The following ARAP2 variants were observed in gnomAD, a reference collection of about 807,000 sequenced individuals.
ARAP2 encodes the protein arf-GAP with Rho-GAP domain, ANK repeat and PH domain-containing protein 2.
ARAP2 carries 148 observed loss-of-function variants against 194.5 expected under a neutral mutation model. The observed-to-expected ratio is 0.76, with a 90% confidence interval of 0.67 to 0.87. The LOEUF is 0.87. Among genes scored for constraint, ARAP2 ranks in the 40% least tolerant of loss-of-function variants. The probability of loss-of-function intolerance (pLI) is 0.00; values close to 1 mark genes in which losing one functional copy is unlikely to be tolerated. For missense variants in ARAP2, 2,128 were observed against 1,989.7 expected, an observed-to-expected ratio of 1.07 and a Z score of -1.32; for synonymous variants, 695 against 683.5, an observed-to-expected ratio of 1.02 and a Z score of -0.26.
rs559863614 is a variant in ARAP2 at position 36,016,787 on chromosome 4, C to T, written n.751-829G>A. Among the ~76,000 whole-genome samples, 86 of 152,246 alleles carry T rather than the reference C, an allele frequency of 5.6e-4. 1 individual carries two copies. The South Asian group carries it at 0.016, about 29-fold the overall frequency. On this transcript the variant is annotated intron_variant and non_coding_transcript_variant, in intron 6 of 12. Coordinates refer to the ARAP2 transcript ENST00000503225. ...GAGATAAATCACACAACCTCTTGGC[C>T]ATTCTTCAATTTGAATGACTTGGAT...
At chr4:36,071,869 G>A (rs1167150341) in intron 32 of ARAP2, among the ~76,000 whole-genome samples, 1 of 145,830 alleles carries the variant, frequency 6.9e-6, no homozygotes, top group Non-Finnish European at 1.5e-5. Flanking sequence ...CCCCAACACA[G>A]TCCCCAGAGT....
chr4:36,174,685 G>T (rs1482635682), intron 9 of ARAP2, among the ~76,000 whole-genome samples: 2 of 152,104 alleles, frequency 1.3e-5, no homozygotes, highest in Non-Finnish European at 2.9e-5. Flanking sequence ...CAGAAATGTG[G>T]AATTTTAACA....
chr4:36,073,304 A>G (rs1727469546), intron 32 of ARAP2, among the ~76,000 whole-genome samples: 1 of 152,148 alleles, frequency 6.6e-6, no homozygotes, highest in South Asian at 2.1e-4. Flanking sequence ...GAATGTGATT[A>G]TATTACTAGA....
chr4:36,204,127 C>G (rs938392095), intron 6 of ARAP2, among the ~76,000 whole-genome samples: 4 of 152,088 alleles, frequency 2.6e-5, no homozygotes, highest in African/African-American at 9.7e-5. Flanking sequence ...ATCAGTGTTT[C>G]AGGGCAAGAA....
chr4:36,192,863 G>T (rs1462796064), intron 7 of ARAP2, among the ~76,000 whole-genome samples: 1 of 152,116 alleles, frequency 6.6e-6, no homozygotes, highest in Non-Finnish European at 1.5e-5. Context: ...AGGCATGGTG[G>T]TGTGCACCTG....
chr4:36,233,409 C>G (rs963307665), intron 1 of ARAP2, among the ~76,000 whole-genome samples: 3 of 152,160 alleles, frequency 2.0e-5, no homozygotes, highest in African/African-American at 7.2e-5. Context: ...ACTTGTTACA[C>G]CCTCCAATTA....
In ARAP2 at chr4:36,133,277, T is replaced by C; in HGVS notation, c.3376A>G (p.Asn1126Asp). The change falls in exon 20 of 33, where the codon AAT (asparagine) becomes GAT (aspartate). Residue 1126 changes from asparagine to aspartate, a missense_variant. Asn to Asp is a conservative substitution (Grantham distance 23). Transcript: ENST00000303965. ...CTGTTCACTATAATGGGAACGTCAT[T>C]TTTGCTGAGCTGCTGATCTTGTAAA... ...NALQDQQLSK[N>D]DVPIIVNSCI... 6.2e-7 allele frequency: 1 copy of C among 1,611,390 alleles called. No individual in the cohort carries two copies. Among genetic ancestry groups the C allele is most frequent in the South Asian group, 1.1e-5 (1 of 91,026 alleles).
At chr4:36,171,985 A>G (rs1359562682) in intron 9 of ARAP2, among the ~76,000 whole-genome samples, 1 of 152,228 alleles carries the variant, frequency 6.6e-6, no homozygotes, top group Non-Finnish European at 1.5e-5. Context: ...GGATAAGCCA[A>G]ACTATCAACC....
At chr4:36,039,371 C>G (rs1369974814) in intron 5 of ARAP2, among the ~76,000 whole-genome samples, 4 of 152,184 alleles carry the variant, frequency 2.6e-5, no homozygotes, top group Admixed American at 2.6e-4. Context: ...AATATGCTTC[C>G]TATAGTTTTC....
chr4:36,079,040 G>T (rs1577774944), intron 31 of ARAP2, among the ~76,000 whole-genome samples: 1 of 151,964 alleles, frequency 6.6e-6, no homozygotes, highest in East Asian at 1.9e-4. Context: ...TGGGCACGGT[G>T]GTGCACGCCT....
intron 8 of ARAP2, among the ~76,000 whole-genome samples, chr4:36,179,013 A>T (rs1738609977): frequency 6.6e-6 from 1 of 152,218 alleles, no homozygotes; most frequent in Admixed American, 6.5e-5. Flanking sequence ...GGATTAATTT[A>T]TCAATGAATA....
At chr4:36,157,909 TTGAG>T (rs963266690) in intron 15 of ARAP2, among the ~76,000 whole-genome samples, 9 of 152,174 alleles carry the variant, frequency 5.9e-5, no homozygotes, top group Non-Finnish European at 7.4e-5. Flanking sequence ...ATTCTTTTGA[TTGAG>T]TAATATCACT....
intron 17 of ARAP2, 36 bp from the exon 18 acceptor site, chr4:36,147,782 T>C (rs773449855): frequency 1.1e-5 from 16 of 1,512,402 alleles, no homozygotes; most frequent in East Asian, 2.3e-5. Context: ...ATAAAGACAG[T>C]GAAAATAGGA....
At chr4:36,161,615 G>A (rs1344288603) in intron 11 of ARAP2, 65 bp from the exon 12 acceptor site, 3 of 1,332,582 alleles carry the variant, frequency 2.3e-6, no homozygotes, top group South Asian at 1.2e-5. Flanking sequence ...ACCTTGTTTT[G>A]AAAGAAAGTG....
intron 2 of ARAP2, among the ~76,000 whole-genome samples, chr4:36,215,736 C>A (rs1023553983): frequency 1.3e-5 from 2 of 152,138 alleles, no homozygotes; most frequent in African/African-American, 4.8e-5. Context: ...CTGGTCCCAG[C>A]AACTCAGGGG....
intron 2 of ARAP2, among the ~76,000 whole-genome samples, chr4:36,219,707 C>T (rs1748741015): frequency 1.3e-5 from 2 of 152,002 alleles, no homozygotes; most frequent in African/African-American, 4.8e-5. Context: ...TGTATACACA[C>T]ATGCACCTAA....
intron 8 of ARAP2, among the ~76,000 whole-genome samples, chr4:36,013,319 G>T (rs1190315464): frequency 6.6e-6 from 1 of 152,160 alleles, no homozygotes. Flanking sequence ...TCTGGAATAA[G>T]CTCACAAAAG....
At chr4:36,240,069 G>A (rs1753228523) in intron 1 of ARAP2, among the ~76,000 whole-genome samples, 1 of 152,086 alleles carries the variant, frequency 6.6e-6, no homozygotes, top group African/African-American at 2.4e-5. Flanking sequence ...TAACTTCCCT[G>A]AAGCTTGTTT....
intron 29 of ARAP2, among the ~76,000 whole-genome samples, chr4:36,082,603 G>A (rs113545521): frequency 7.9e-5 from 12 of 152,072 alleles, no homozygotes; most frequent in East Asian, 1.9e-4. Flanking sequence ...AGAGATGTAC[G>A]GTTACTGGGG....
Sources: allele counts gnomAD v4.1 joint callset (sites outside exome capture counted in the v4.1 genomes callset), GRCh38; gene constraint gnomAD v4.1.1; transcripts MANE v1.5; gene names NCBI Gene and HGNC (gene_info 2026-07-23, HGNC 2026-07-21).